The following ZFHX3 variants were observed in gnomAD, a reference collection of about 807,000 sequenced individuals.
ZFHX3 encodes the protein zinc finger homeobox 3, also known as zinc finger homeobox protein 3.
Under a neutral mutation model 279.1 loss-of-function variants are expected in ZFHX3, and 42 were observed. The ratio of observed to expected loss-of-function variants is 0.15; its 90% CI spans 0.12 to 0.19. The LOEUF (loss-of-function observed/expected upper bound fraction) is 0.19. ZFHX3 is among the 10% of genes least tolerant of loss of function. The pLI is 1.00. For synonymous variants in ZFHX3, 2,293 were observed against 1,957.8 expected, an observed-to-expected ratio of 1.17 and a Z score of -4.52; for missense variants, 4,981 against 4,754.0, an observed-to-expected ratio of 1.05 and a Z score of -1.40.
intron 4 of ZFHX3, among the ~76,000 whole-genome samples, chr16:73,286,096 GC>G: frequency 6.6e-6 from 1 of 152,254 alleles, no homozygotes; most frequent in South Asian, 2.1e-4. Context: ...TCATACAAAT[GC>G]TTTAGACGGG....
At chr16:73,172,996 GTTTTTTTTTTTGTTTTTTTTTT>G (rs1967573972) in intron 5 of ZFHX3, among the ~76,000 whole-genome samples, 1 of 25,288 alleles carries the variant, frequency 4.0e-5, no homozygotes, top group Non-Finnish European at 6.7e-5. Context: ...CTGTTTTTTT[GTTTTTTTTTTTGTTTTTTTTTT>G]TTTTTTTTGG....
chr16:73,824,198 T>G (rs1960830852), intron 1 of ZFHX3, among the ~76,000 whole-genome samples: 1 of 152,180 alleles, frequency 6.6e-6, no homozygotes, highest in Non-Finnish European at 1.5e-5. Flanking sequence ...GAGAAAAAGT[T>G]ATGTTGCGTG....
intron 4 of ZFHX3, among the ~76,000 whole-genome samples, chr16:73,311,898 T>C (rs1028394055): frequency 6.6e-6 from 1 of 152,122 alleles, no homozygotes; most frequent in Non-Finnish European, 1.5e-5. Flanking sequence ...AAAAAGGGTG[T>C]GAGTCAATGG....
intron 1 of ZFHX3, among the ~76,000 whole-genome samples, chr16:73,787,768 C>T (rs1190603962): frequency 6.6e-6 from 1 of 150,824 alleles, no homozygotes; most frequent in African/African-American, 2.4e-5. Context: ...ACTGGATAGG[C>T]CTACTCTATA....
intron 3 of ZFHX3, among the ~76,000 whole-genome samples, chr16:73,445,155 T>A (rs2018161086): frequency 6.6e-6 from 1 of 151,766 alleles, no homozygotes; most frequent in Admixed American, 6.6e-5. Context: ...AAAAATCTTT[T>A]CATATACAAT....
chr16:73,531,978 C>T (rs914827053), intron 2 of ZFHX3, among the ~76,000 whole-genome samples: 4 of 151,636 alleles, frequency 2.6e-5, no homozygotes, highest in African/African-American at 4.8e-5. Flanking sequence ...ATCCCAGCTA[C>T]TTGGAAGGCT....
chr16:73,556,391 G>A (rs2020283298), intron 2 of ZFHX3, among the ~76,000 whole-genome samples: 1 of 152,166 alleles, frequency 6.6e-6, no homozygotes, highest in African/African-American at 2.4e-5. Context: ...TTCTGACAAT[G>A]GTCAAGTTCT....
At chr16:73,150,273 G>A (rs1355727385) in intron 5 of ZFHX3, among the ~76,000 whole-genome samples, 1 of 152,170 alleles carries the variant, frequency 6.6e-6, no homozygotes, top group African/African-American at 2.4e-5. Context: ...TGGCTGCTAA[G>A]AATGTTATCC....
chr16:73,830,882 G>C (rs972618666), intron 1 of ZFHX3, among the ~76,000 whole-genome samples: 1 of 152,064 alleles, frequency 6.6e-6, no homozygotes, highest in Admixed American at 6.5e-5. Flanking sequence ...TCAAAATCTC[G>C]AAGAAATCAG....
rs140395945 is a variant in ZFHX3, at chr16:72,788,507, G to T, written c.9769C>A (p.Pro3257Thr). The T allele has an allele frequency of 6.8e-6, 11 of 1,614,148 alleles. No homozygotes were observed. Among genetic ancestry groups the T allele is most frequent in the Non-Finnish European group, 9.3e-6 (11 of 1,180,016 alleles). The change falls in exon 10 of 10, where the codon CCC becomes ACC. Residue 3257 changes from proline to threonine, a missense_variant. By Grantham distance (38) the Pro-to-Thr change is conservative. This residue lies in a region of ZFHX3 where 1,034 missense variants were observed against 786.0 expected (regional missense o/e 1.32). Coordinates refer to ENST00000268489, the MANE Select transcript of ZFHX3 (RefSeq NM_006885.4). ...GGGGCCTCTCCTTTCTCCTTCTTGG[G>T]GACAGGCAGGGGTTCCCCTTTCCCT... is the stretch of plus-strand genomic sequence containing the variant. ...HKGKGEPLPV[P>T]KKEKGEAPTA... is the part of the protein sequence containing the mutation.
rs565664402 is a variant in ZFHX3, at chr16:72,874,198, A to ATTTTTTTTTTTTTTT, written c.3448+15518_3448+15532dup. On this transcript the variant is annotated intron_variant, in intron 4 of 9. Transcript: ENST00000268489. ...TGGAGCTCAGATGGAGGATTTTTTG[A>ATTTTTTTTTTTTTTT]TTTTTTTTTTTTTTTTTTTTTTTTT... 5.3e-5 allele frequency among the ~76,000 whole-genome samples: 5 copies of ATTTTTTTTTTTTTTT among 95,160 alleles called. 1 individual carries two copies. Among genetic ancestry groups the ATTTTTTTTTTTTTTT allele is most frequent in the African/African-American group, 2.4e-4 (5 of 21,216 alleles). The allele number at this position is 95,160 out of a possible 152,430, so 62.4% of individuals were successfully genotyped here. A position where few individuals can be genotyped will look rare whatever the true frequency, so the allele number is the denominator to read the frequency against.
At chr16:73,867,231 G>A (rs931292265) in intron 1 of ZFHX3, among the ~76,000 whole-genome samples, 3 of 152,082 alleles carry the variant, frequency 2.0e-5, no homozygotes, top group South Asian at 2.1e-4. Flanking sequence ...GATGCTTTGC[G>A]TGAGCTATCT....
At position 72,797,450 on chromosome 16, in the gene ZFHX3, C is replaced by T. The variant is rs1029254268; in HGVS notation, c.5232G>A (p.Thr1744=). The T allele has an allele frequency of 2.5e-6, 4 of 1,611,932 alleles. No individual in the cohort carries two copies. The highest frequency in any genetic ancestry group is 1.7e-4 in the Middle Eastern group (1 of 6,052). ...QQQQQQQQAQ[T]LAQAQAQVQA... ...GAACTTGAGCCTGGGCCTGGGCCAG[C>T]GTTTGTGCTTGTTGTTGTTGTTGTT... The change falls in exon 9 of 10, where the codon ACG becomes ACA. Residue 1744 remains threonine (T), a synonymous_variant. Coordinates refer to ENST00000268489, the MANE Select transcript of ZFHX3 (RefSeq NM_006885.4).
At chr16:73,488,804 G>A (rs562774568) in intron 2 of ZFHX3, among the ~76,000 whole-genome samples, 3 of 152,240 alleles carry the variant, frequency 2.0e-5, no homozygotes, top group South Asian at 2.1e-4. Context: ...CAGTTGTTAC[G>A]ATGCTAAGAC....
At chr16:73,671,955 G>T (rs1374598393) in intron 2 of ZFHX3, among the ~76,000 whole-genome samples, 1 of 151,244 alleles carries the variant, frequency 6.6e-6, no homozygotes, top group African/African-American at 2.4e-5. Flanking sequence ...CCATTGAAGA[G>T]TGTCATCTTT....
At chr16:73,450,390 A>G (rs1200192581) in intron 3 of ZFHX3, among the ~76,000 whole-genome samples, 2 of 152,212 alleles carry the variant, frequency 1.3e-5, no homozygotes, top group African/African-American at 2.4e-5. Context: ...AGAAGTTTTG[A>G]TGAAATTTTG....
At chr16:73,075,289 G>C (rs1965874688) in intron 8 of ZFHX3, among the ~76,000 whole-genome samples, 1 of 147,114 alleles carries the variant, frequency 6.8e-6, no homozygotes, top group Non-Finnish European at 1.5e-5. Context: ...ATTACAGCCT[G>C]AGCAACAACA....
intron 1 of ZFHX3, among the ~76,000 whole-genome samples, chr16:73,812,923 C>T (rs1960463816): frequency 2.0e-5 from 3 of 152,298 alleles, no homozygotes; most frequent in South Asian, 4.1e-4. Context: ...TATGATAATA[C>T]TTACCTACTT....
In ZFHX3 at chr16:72,933,813, CTTTTTTTTTT is replaced by C. The variant is rs71391468; in HGVS notation, c.3216+16646_3216+16655del. Among the ~76,000 whole-genome samples the C allele has an allele frequency of 1.0e-3, 114 of 112,480 alleles. 1 individual carries two copies. Among genetic ancestry groups the C allele is most frequent in the African/African-American group, 3.1e-3 (103 of 33,514 alleles). 73.8% of individuals were successfully genotyped at this position (112,480 alleles called of 152,430 possible). A position where few individuals can be genotyped will look rare whatever the true frequency, so the allele number is the denominator to read the frequency against. ...TATGAAATGTTTAGCTCACAACTTT[CTTTTTTTTTT>C]TTTTTTTTTTTTTGAGACAGAGTCT... On this transcript the variant is annotated intron_variant, in intron 3 of 9. Transcript: ENST00000268489.
Sources: gnomAD v4.1 joint callset for allele counts (sites outside exome capture counted in the v4.1 genomes callset) on GRCh38, gnomAD v4.1.1 for gene constraint, gnomAD v4.1.1 regional missense constraint, MANE v1.5 for transcripts, NCBI Gene and HGNC (gene_info 2026-07-23, HGNC 2026-07-21) for gene names.